The following PDE11A variants were observed in gnomAD, a reference collection of about 807,000 sequenced individuals.
PDE11A encodes phosphodiesterase 11A, also known as dual 3',5'-cyclic-AMP and -GMP phosphodiesterase 11A.
Under a neutral mutation model 100.5 loss-of-function variants are expected in PDE11A, and 100 were observed. The ratio of observed to expected loss-of-function variants is 1.00; its 90% CI spans 0.85 to 1.18. PDE11A has a LOEUF of 1.18. Ranked by LOEUF, PDE11A falls within the 50% of genes most tolerant of loss-of-function variation. The pLI is 0.00. For missense variants in PDE11A, 1,141 were observed against 1,152.6 expected, an observed-to-expected ratio of 0.99 and a Z score of 0.15; for synonymous variants, 381 against 420.8, an observed-to-expected ratio of 0.91 and a Z score of 1.16.
At chr2:177,702,986 G>A (rs1032642078) in intron 13 of PDE11A, among the ~76,000 whole-genome samples, 4 of 152,068 alleles carry the variant, frequency 2.6e-5, no homozygotes, top group Admixed American at 6.5e-5. Flanking sequence ...ATGAAGACAC[G>A]TGTTTCAAAA....
At chr2:177,919,312 T>A (rs1574278680) in intron 2 of PDE11A, among the ~76,000 whole-genome samples, 1 of 152,226 alleles carries the variant, frequency 6.6e-6, no homozygotes. Flanking sequence ...TTGACCAGGC[T>A]GGTCTTGAAT....
At chr2:177,905,449 G>C (rs947640753) in intron 2 of PDE11A, among the ~76,000 whole-genome samples, 2 of 152,114 alleles carry the variant, frequency 1.3e-5, no homozygotes, top group Admixed American at 1.3e-4. Context: ...AGATTATGAG[G>C]GCTGTGACAT....
At chr2:177,842,413 C>G (rs1240146414) in intron 5 of PDE11A, among the ~76,000 whole-genome samples, 1 of 152,170 alleles carries the variant, frequency 6.6e-6, no homozygotes, top group Non-Finnish European at 1.5e-5. Context: ...GACACAAATG[C>G]AGCAGAGTAC....
At chr2:177,794,431 C>T (rs1368601470) in intron 9 of PDE11A, among the ~76,000 whole-genome samples, 2 of 152,158 alleles carry the variant, frequency 1.3e-5, no homozygotes, top group African/African-American at 2.4e-5. Flanking sequence ...TGGAAACCAT[C>T]GTAACTTGGC....
Position 178,061,727 on chromosome 2 carries a change from C to T in PDE11A, c.912+9799G>A, listed in dbSNP as rs77879008. ...AATTTTCTATTAAATTATTTCCATG[C>T]GATTCTTCATTAAATATATAACCTC... On this transcript the variant is annotated intron_variant, in intron 1 of 19. Coordinates refer to ENST00000286063, the MANE Select transcript of PDE11A (RefSeq NM_016953.4). Among the ~76,000 whole-genome samples the T allele has an allele frequency of 8.8e-3, 1,343 of 152,186 alleles. 13 individuals carry two copies. Among genetic ancestry groups the T allele is most frequent in the African/African-American group, 0.031 (1,279 of 41,504 alleles).
At chr2:177,800,498 CT>C (rs2082776502) in intron 9 of PDE11A, among the ~76,000 whole-genome samples, 2 of 152,098 alleles carry the variant, frequency 1.3e-5, no homozygotes, top group Admixed American at 1.3e-4. Flanking sequence ...AAAGCCTGCC[CT>C]TTTAATCACC....
intron 5 of PDE11A, among the ~76,000 whole-genome samples, chr2:177,861,979 G>A (rs1361033504): frequency 6.6e-6 from 1 of 151,814 alleles, no homozygotes; most frequent in East Asian, 1.9e-4. Context: ...AAGAACACAT[G>A]GGCATATGTA....
At chr2:177,720,710 A>G (rs766629028) in intron 12 of PDE11A, among the ~76,000 whole-genome samples, 1 of 152,150 alleles carries the variant, frequency 6.6e-6, no homozygotes. Flanking sequence ...GATAGTTTTG[A>G]TTGAATTTGC....
At chr2:177,659,267 G>A (rs75624870) in intron 19 of PDE11A, among the ~76,000 whole-genome samples, 7 of 128,198 alleles carry the variant, frequency 5.5e-5, no homozygotes, top group African/African-American at 1.9e-4. Flanking sequence ...ATCTCAGGGG[G>A]AAAAAAAAAA....
rs1373339764 is a variant in PDE11A at position 177,894,853 on chromosome 2, TA to T, written c.1302+3204del. Among the ~76,000 whole-genome samples the T allele has an allele frequency of 7.2e-5, 11 of 152,316 alleles. No individual in the cohort carries two copies. The East Asian group carries it at 1.9e-3, about 27-fold the overall frequency. On this transcript the variant is annotated intron_variant, in intron 4 of 19. Coordinates refer to ENST00000286063, the MANE Select transcript of PDE11A (RefSeq NM_016953.4). ...CTGCAAATTAAACAATCTCCAAACCTACCTGTAACCTGTAAGTCCCTGCTTC... is the reference window on the plus strand; with the variant it reads ...CTGCAAATTAAACAATCTCCAAACCTCCTGTAACCTGTAAGTCCCTGCTTC...
At chr2:177,726,571 G>A (rs1428296321) in intron 12 of PDE11A, among the ~76,000 whole-genome samples, 10 of 151,832 alleles carry the variant, frequency 6.6e-5, no homozygotes, top group Non-Finnish European at 1.5e-4. Flanking sequence ...GATGATTTGG[G>A]AGAAAGGGGA....
chr2:177,987,228 C>T (rs2085951281), intron 2 of PDE11A, among the ~76,000 whole-genome samples: 1 of 152,096 alleles, frequency 6.6e-6, no homozygotes, highest in Non-Finnish European at 1.5e-5. Flanking sequence ...ACTCTCTAAC[C>T]CTTAAGGGGA....
intron 2 of PDE11A, among the ~76,000 whole-genome samples, chr2:178,103,186 G>C (rs868826646): frequency 2.0e-5 from 3 of 152,116 alleles, no homozygotes; most frequent in African/African-American, 4.8e-5. Context: ...TTTCCAGTGG[G>C]GGGGGAAGGA....
chr2:178,046,897 A>T (rs191016040), intron 1 of PDE11A, among the ~76,000 whole-genome samples: 88 of 152,348 alleles, frequency 5.8e-4, no homozygotes, highest in African/African-American at 1.9e-3. Flanking sequence ...GGTGCATAGA[A>T]CTATAAAAGA....
intron 2 of PDE11A, among the ~76,000 whole-genome samples, chr2:177,937,312 T>C (rs2085287312): frequency 7.1e-6 from 1 of 140,244 alleles, no homozygotes; most frequent in Non-Finnish European, 1.5e-5. Flanking sequence ...TCATAATAAA[T>C]TGAAAGCTTT....
In PDE11A at chr2:177,626,841, A is replaced by C. The variant is rs2079839695; in HGVS notation, c.*2566T>G. The stretch of plus-strand genomic sequence containing the variant: ...TCTGAGCAATTGATGACAGGGTTCT[A>C]CACCTTCATTTTTTTTGGTTGGAAG... On this transcript the variant is annotated 3_prime_UTR_variant, in exon 20 of 20. Coordinates refer to ENST00000286063, the MANE Select transcript of PDE11A (RefSeq NM_016953.4). 1.4e-5 allele frequency: 2 copies of C among 146,758 alleles called. No homozygotes were observed. The highest frequency in any genetic ancestry group is 4.3e-4 in the South Asian group (2 of 4,642). The allele number at this position is 146,758 out of a possible 1,614,324, so 9.1% of individuals were successfully genotyped here.
At chr2:177,688,131 G>T (rs1279262554) in intron 15 of PDE11A, 1 of 152,222 alleles carries the variant, frequency 6.6e-6, no homozygotes, top group Admixed American at 6.5e-5. Context: ...TATGGACAGT[G>T]GGGCCAGCAG....
At chr2:177,771,421 G>A (rs2082308701) in intron 9 of PDE11A, among the ~76,000 whole-genome samples, 1 of 152,174 alleles carries the variant, frequency 6.6e-6, no homozygotes, top group Admixed American at 6.5e-5. Flanking sequence ...AATGGAAGCA[G>A]TGTCTCAGGG....
chr2:177,937,319 CTTTT>C (rs33967413), intron 2 of PDE11A, among the ~76,000 whole-genome samples: 5 of 125,758 alleles, frequency 4.0e-5, no homozygotes, highest in East Asian at 2.4e-4. Context: ...AAATTGAAAG[CTTTT>C]TTTTTTTTTT....
Sources: gnomAD v4.1 joint callset for allele counts (sites outside exome capture counted in the v4.1 genomes callset) on GRCh38, gnomAD v4.1.1 for gene constraint, MANE v1.5 for transcripts, NCBI Gene and HGNC (gene_info 2026-07-23, HGNC 2026-07-21) for gene names.